GGT7: variants seen among roughly 807,000 people sequenced by gnomAD.
GGT7 encodes gamma-glutamyltransferase 7, also known as glutathione hydrolase 7.
Under a neutral mutation model 69.2 loss-of-function variants are expected in GGT7, and 30 were observed. That is an observed-to-expected ratio of 0.43 (90% CI 0.32 to 0.59). The LOEUF (loss-of-function observed/expected upper bound fraction) is 0.59. Ranked by LOEUF, GGT7 falls within the 20% of genes least tolerant of loss-of-function variation. The pLI, the probability that GGT7 is intolerant of heterozygous loss-of-function variation, is 0.05. For missense variants in GGT7, 733 were observed against 901.1 expected (o/e 0.81, Z 2.39); for synonymous variants, 388 against 391.8 (o/e 0.99, Z 0.12).
Position 34,850,735 on chromosome 20 carries a change from C to T in GGT7, c.1725+496G>A, listed in dbSNP as rs768220963. 136 of 420,014 alleles carry T rather than the reference C, an allele frequency of 3.2e-4. 1 individual carries two copies. The Admixed American group carries it at 3.5e-3, about 11-fold the overall frequency. 26.0% of individuals were successfully genotyped at this position (420,014 alleles called of 1,614,324 possible). ...AGTTACAAATTGGTAGCACTTGGGC[C>T]GGAACCCAGGAGTGTCTGATTCCAG... On this transcript the variant is annotated intron_variant, in intron 13 of 14. Transcript: ENST00000336431.
chr20:34,863,438 AG>A lies in GGT7; in HGVS notation c.279del (p.Ser94ProfsTer50). On this transcript the variant is annotated frameshift_variant, in exon 2 of 15. Transcript: ENST00000336431. LOFTEE classifies it high-confidence loss of function. The surrounding 1 kb of genome is among the most constrained non-coding windows in gnomAD (Gnocchi z 4.4). ...SPLRETRKDPFSAAAAECSCR... is the reference protein window; with the variant it reads ...SPLRETRKDPXSAAAAECSCR... Reference sequence around the variant, plus strand: ...CAGGAGCACTCGGCCGCTGCGGCGGAGAACGGGTCTTTGCGCGTCTCGCGTA... The same window carrying A: ...CAGGAGCACTCGGCCGCTGCGGCGGAAACGGGTCTTTGCGCGTCTCGCGTA... 6.2e-7 allele frequency: 1 copy of A among 1,613,374 alleles called. No individual in the cohort carries two copies. The highest frequency in any genetic ancestry group is 8.5e-7 in the Non-Finnish European group (1 of 1,179,872).
chr20:34,870,149 T>C (rs556866346), intron 1 of GGT7, among the ~76,000 whole-genome samples: 1 of 152,224 alleles, frequency 6.6e-6, no homozygotes, highest in African/African-American at 2.4e-5. Flanking sequence ...CGAGGAAGCC[T>C]TGGGGCTTGG....
At chr20:34,857,567 T>C (rs1011847135) in intron 7 of GGT7, among the ~76,000 whole-genome samples, 2 of 151,990 alleles carry the variant, frequency 1.3e-5, no homozygotes, top group Non-Finnish European at 2.9e-5. Flanking sequence ...TTGTACCTTA[T>C]AGTACTTGAA....
rs538165258 is a variant in GGT7 at position 34,863,050 on chromosome 20, G to C, written c.406-85C>G. On this transcript the variant is annotated intron_variant, in intron 2 of 14. Transcript: ENST00000336431. The surrounding 1 kb of genome is among the most constrained non-coding windows in gnomAD (Gnocchi z 4.4). ...CTCCACTAGCCCTAGAACTCTACGCGGCATGAAGGTCGAAGCCCTGCCCCC... is the reference window on the plus strand; with the variant it reads ...CTCCACTAGCCCTAGAACTCTACGCCGCATGAAGGTCGAAGCCCTGCCCCC... The C allele has an allele frequency of 8.1e-5, 109 of 1,353,438 alleles. No individual in the cohort carries two copies. The highest frequency in any genetic ancestry group is 1.0e-4 in the Non-Finnish European group (102 of 983,982). The allele number at this position is 1,353,438 out of a possible 1,614,324, so 83.8% of individuals were successfully genotyped here.
Position 34,854,906 on chromosome 20 carries a change from G to T in GGT7, c.1120C>A (p.Pro374Thr), listed in dbSNP as rs759248660. ...GVYRGHLVLS[P>T]PPPHTGPALI... ...GCAGGGCCCGTGTGCGGAGGTGGGG[G>T]ACTAAGAACCAGGTGGCCTGAAAGG... Residue 374 changes from proline (P) to threonine (T), a missense_variant, in exon 9 of 15, where the codon CCC (proline) becomes ACC (threonine). Pro to Thr is a conservative substitution (Grantham distance 38). Transcript: ENST00000336431. The T allele has an allele frequency of 1.5e-5, 24 of 1,613,662 alleles. No homozygotes were observed. In the Admixed American group the frequency reaches 4.0e-4, roughly 27 times the overall value.
intron 6 of GGT7, 109 bp downstream of exon 6, chr20:34,859,860 G>T: frequency 1.1e-6 from 1 of 887,670 alleles, no homozygotes; most frequent in Non-Finnish European, 1.8e-6. Context: ...GAGGGGGTCT[G>T]AGGAGCAAAC....
At chr20:34,853,949 T>A (rs1026918021) in intron 10 of GGT7, among the ~76,000 whole-genome samples, 5 of 152,182 alleles carry the variant, frequency 3.3e-5, no homozygotes, top group Admixed American at 2.0e-4. Context: ...TGTTTGTTTG[T>A]TTTTGGAGAC....
At chr20:34,862,782 C>T (rs753592899) in intron 3 of GGT7, 32 bp downstream of exon 3, 2 of 1,611,374 alleles carry the variant, frequency 1.2e-6, no homozygotes, top group Admixed American at 1.7e-5. Flanking sequence ...AAGAAGTAGG[C>T]CTGGGGGACC....
In GGT7 at chr20:34,863,262, C is replaced by A. The variant is rs765100235; in HGVS notation, c.405+51G>T. The A allele has an allele frequency of 7.8e-7, 1 of 1,289,950 alleles. No homozygotes were observed. Among genetic ancestry groups the A allele is most frequent in the Non-Finnish European group, 1.1e-6 (1 of 911,506 alleles). 79.9% of individuals were successfully genotyped at this position (1,289,950 alleles called of 1,614,324 possible). A position where few individuals can be genotyped will look rare whatever the true frequency, so the allele number is the denominator to read the frequency against. ...AGTTTCCACAGTTCCTCAAACATTA[C>A]CCCACTCCCCACTCCCCAGTTTCCT... is the stretch of plus-strand genomic sequence containing the variant. On this transcript the variant is annotated intron_variant, in intron 2 of 14. Transcript: ENST00000336431. The surrounding 1 kb of genome is among the most constrained non-coding windows in gnomAD (Gnocchi z 4.4).
Position 34,845,112 on chromosome 20 carries a change from T to TCCAC in GGT7, c.*215_*216insGTGG, listed in dbSNP as rs369783775. 4 of 389,878 alleles carry TCCAC rather than the reference T, an allele frequency of 1.0e-5. No individual in the cohort carries two copies. In the East Asian group the frequency reaches 1.6e-4, roughly 15 times the overall value. The allele number at this position is 389,878 out of a possible 1,614,324, so 24.2% of individuals were successfully genotyped here. ...CTGGCTGTACTGTAGATGCTGACAC[T>TCCAC]CACCACCACCACCACCACCACCACC... On this transcript the variant is annotated 3_prime_UTR_variant, in exon 15 of 15. Transcript: ENST00000336431.
chr20:34,848,507 A>G (rs1601213133), intron 14 of GGT7, among the ~76,000 whole-genome samples: 1 of 152,356 alleles, frequency 6.6e-6, no homozygotes, highest in East Asian at 1.9e-4. Flanking sequence ...CTCACATTCA[A>G]CAGAGACCAG....
intron 3 of GGT7, among the ~76,000 whole-genome samples, chr20:34,861,945 G>A (rs1023232073): frequency 4.6e-5 from 7 of 152,166 alleles, no homozygotes; most frequent in African/African-American, 1.7e-4. Flanking sequence ...CCCCAGGACT[G>A]GATTATGTAA....
chr20:34,867,903 T>C (rs1241932817), intron 1 of GGT7, among the ~76,000 whole-genome samples: 1 of 152,162 alleles, frequency 6.6e-6, no homozygotes, highest in Admixed American at 6.5e-5. Flanking sequence ...ATAATCTTCC[T>C]GCCAGGCTGG....
At chr20:34,857,068 G>A (rs572114559) in intron 7 of GGT7, among the ~76,000 whole-genome samples, 175 bp from the exon 8 acceptor site, 1 of 152,126 alleles carries the variant, frequency 6.6e-6, no homozygotes, top group African/African-American at 2.4e-5. Context: ...AAAAGGAAGG[G>A]GGAAAAGCAC....
rs189814524 is a variant in GGT7, at chr20:34,872,362, C to G, written c.169+285G>C. The G allele has an allele frequency of 2.4e-3, 715 of 295,522 alleles. 3 individuals carry two copies. Among genetic ancestry groups the G allele is most frequent in the African/African-American group, 0.014 (670 of 46,286 alleles). 18.3% of individuals were successfully genotyped at this position (295,522 alleles called of 1,614,324 possible). A position where few individuals can be genotyped will look rare whatever the true frequency, so the allele number is the denominator to read the frequency against. Reference sequence around the variant, plus strand: ...GATCACAGCGGTTCCTTAGGATCTCCCCTTCAACATTCCTTCATCGTTAGT... The same window carrying G: ...GATCACAGCGGTTCCTTAGGATCTCGCCTTCAACATTCCTTCATCGTTAGT... On this transcript the variant is annotated intron_variant, in intron 1 of 14. Transcript: ENST00000336431.
chr20:34,865,141 G>A (rs901317096), intron 1 of GGT7, among the ~76,000 whole-genome samples: 2 of 151,692 alleles, frequency 1.3e-5, no homozygotes, highest in African/African-American at 4.8e-5. Flanking sequence ...AGAGTTTTAA[G>A]CAAGAATGTG....
At chr20:34,862,706 T>G (rs1044742820) in intron 3 of GGT7, 108 bp downstream of exon 3, 12 of 1,079,548 alleles carry the variant, frequency 1.1e-5, no homozygotes, top group Admixed American at 1.7e-5. Flanking sequence ...ATGCAAGGAG[T>G]TGGGGCCCAA....
In GGT7 at chr20:34,852,423, T is replaced by C; in HGVS notation, c.1435A>G (p.Met479Val). Residue 479 changes from methionine (M) to valine (V), a missense_variant, in exon 11 of 15, where the codon ATG (methionine) becomes GTG (valine). Coordinates refer to ENST00000336431, the MANE Select transcript of GGT7 (RefSeq NM_178026.3). ...GCCACAATGAAGTCATCAGGTCCCA[T>C]GATCAGCACCTGGGCAGCCGTGGGA... Reference protein sequence around the residue: ...GAPTAAQVLIMGPDDFIVAMV... With the variant: ...GAPTAAQVLIVGPDDFIVAMV... 6.2e-7 allele frequency: 1 copy of C among 1,613,982 alleles called. No homozygotes were observed.
intron 14 of GGT7, among the ~76,000 whole-genome samples, chr20:34,846,786 C>A (rs557445824): frequency 5.9e-5 from 9 of 152,318 alleles, no homozygotes; most frequent in African/African-American, 1.9e-4. Flanking sequence ...GACCTTGCTA[C>A]TTCTCTAAAT....
Sources: gnomAD v4.1 joint callset for allele counts (sites outside exome capture counted in the v4.1 genomes callset) on GRCh38, gnomAD v4.1.1 for gene constraint, Gnocchi (gnomAD v3.1) non-coding constraint, MANE v1.5 for transcripts, NCBI Gene and HGNC (gene_info 2026-07-23, HGNC 2026-07-21) for gene names.